LRRC7: variants seen among roughly 807,000 people sequenced by gnomAD.
LRRC7 encodes leucine-rich repeat-containing protein 7.
Under a neutral mutation model 175.7 loss-of-function variants are expected in LRRC7, and 23 were observed. That is an observed-to-expected ratio of 0.13 (90% CI 0.09 to 0.19). The LOEUF is 0.19. LRRC7 is among the 10% of genes least tolerant of loss of function. The pLI is 1.00. For synonymous variants in LRRC7, 685 were observed against 680.9 expected, an observed-to-expected ratio of 1.01 and a Z score of -0.09; for missense variants, 1,354 against 1,904.7, an observed-to-expected ratio of 0.71 and a Z score of 5.38.
intron 4 of LRRC7, among the ~76,000 whole-genome samples, chr1:69,807,866 C>G (rs185157273): frequency 6.6e-6 from 1 of 152,156 alleles, no homozygotes; most frequent in Non-Finnish European, 1.5e-5. Flanking sequence ...TGGGGAAGTT[C>G]TCCCGGATAA....
intron 1 of LRRC7, among the ~76,000 whole-genome samples, chr1:69,623,106 A>C (rs1650903488): frequency 6.6e-6 from 1 of 152,184 alleles, no homozygotes; most frequent in African/African-American, 2.4e-5. Flanking sequence ...CCCGTATCCT[A>C]AGTTCTGATC....
rs564340545 is a variant in LRRC7, at chr1:69,659,357, AT to A, written c.3-19023del. Among the ~76,000 whole-genome samples the A allele has an allele frequency of 1.1e-3, 165 of 152,104 alleles. 1 individual carries two copies. The highest frequency in any genetic ancestry group is 3.8e-3 in the African/African-American group (156 of 41,516). ...ACAGAGTTATAAAAGGAAAAAAAAA[AT>A]ATTCAAAGATAAAATAGATGACAGC... On this transcript the variant is annotated intron_variant, in intron 1 of 26. Coordinates refer to ENST00000651989, the MANE Select transcript of LRRC7 (RefSeq NM_001370785.2).
intron 7 of LRRC7, among the ~76,000 whole-genome samples, chr1:69,912,700 G>A (rs1414379291): frequency 6.6e-6 from 1 of 152,168 alleles, no homozygotes; most frequent in East Asian, 1.9e-4. Context: ...GAAAATTCAT[G>A]TACAGCATGA....
chr1:70,061,710 G>A (rs1017788257), intron 23 of LRRC7, among the ~76,000 whole-genome samples: 1 of 152,124 alleles, frequency 6.6e-6, no homozygotes, highest in African/African-American at 2.4e-5. Context: ...AAAGTAGGAA[G>A]ATATCAAATG....
Position 69,980,459 on chromosome 1 carries a change from T to C in LRRC7, c.786+6T>C, listed in dbSNP as rs759914566. 16 of 1,580,568 alleles carry C rather than the reference T, an allele frequency of 1.0e-5. No homozygotes were observed. Among genetic ancestry groups the C allele is most frequent in the Non-Finnish European group, 1.4e-5 (16 of 1,153,492 alleles). On this transcript the variant is annotated splice_donor_region_variant and intron_variant, in intron 9 of 26. Coordinates refer to ENST00000651989, the MANE Select transcript of LRRC7 (RefSeq NM_001370785.2). ...CATTACAAGTGTTACCTGGGGTATG[T>C]AAGTTTTTATTCTACCATGTTGTTT...
intron 7 of LRRC7, among the ~76,000 whole-genome samples, chr1:69,914,198 A>G (rs1007063536): frequency 1.3e-5 from 2 of 152,202 alleles, no homozygotes; most frequent in Admixed American, 1.3e-4. Context: ...AATTTGCAGA[A>G]TCCTGAGTCA....
chr1:70,119,940 C>G (rs1378465480), intron 26 of LRRC7, among the ~76,000 whole-genome samples: 1 of 151,908 alleles, frequency 6.6e-6, no homozygotes, highest in Non-Finnish European at 1.5e-5. Context: ...AACTTTTGGT[C>G]AAATTGAAGG....
chr1:69,925,747 C>A (rs1025346794), intron 7 of LRRC7, among the ~76,000 whole-genome samples: 1 of 151,994 alleles, frequency 6.6e-6, no homozygotes, highest in Non-Finnish European at 1.5e-5. Flanking sequence ...TTGCAAAAAA[C>A]CAGCTCCTGG....
At chr1:69,907,978 G>A (rs1457345606) in intron 7 of LRRC7, among the ~76,000 whole-genome samples, 1 of 152,124 alleles carries the variant, frequency 6.6e-6, no homozygotes, top group Non-Finnish European at 1.5e-5. Flanking sequence ...CTTCTTCCTG[G>A]TTTAGTCTTG....
intron 7 of LRRC7, among the ~76,000 whole-genome samples, chr1:69,864,354 T>A (rs1684684864): frequency 6.6e-6 from 1 of 152,104 alleles, no homozygotes; most frequent in South Asian, 2.1e-4. Context: ...GTTGGATGAA[T>A]AGATGGATGG....
chr1:69,582,774 C>G (rs1342862663), intron 1 of LRRC7, among the ~76,000 whole-genome samples: 1 of 152,174 alleles, frequency 6.6e-6, no homozygotes, highest in Non-Finnish European at 1.5e-5. Flanking sequence ...TGGATATCCA[C>G]CAACTGTTGA....
At chr1:69,951,272 A>G (rs1187257104) in intron 8 of LRRC7, among the ~76,000 whole-genome samples, 5 of 152,064 alleles carry the variant, frequency 3.3e-5, no homozygotes, top group Admixed American at 3.3e-4. Flanking sequence ...GCTGTTACTA[A>G]AAAGTCAAAA....
intron 2 of LRRC7, among the ~76,000 whole-genome samples, chr1:69,709,195 CATAGT>C (rs1200368967): frequency 6.6e-6 from 1 of 152,190 alleles, no homozygotes; most frequent in East Asian, 1.9e-4. Context: ...TCCAAAATAA[CATAGT>C]AAAGTTTATT....
chr1:69,855,706 G>T (rs565734665), intron 7 of LRRC7, among the ~76,000 whole-genome samples: 1 of 152,174 alleles, frequency 6.6e-6, no homozygotes, highest in South Asian at 2.1e-4. Flanking sequence ...TCGTTGATCT[G>T]TCTAATGTTG....
intron 7 of LRRC7, among the ~76,000 whole-genome samples, chr1:69,891,923 C>A (rs537188757): frequency 6.6e-6 from 1 of 151,916 alleles, no homozygotes; most frequent in South Asian, 2.1e-4. Flanking sequence ...ACCTGTGAAG[C>A]ACAATAAAGT....
At chr1:69,792,196 T>C (rs773467242) in intron 4 of LRRC7, 36 bp downstream of exon 4, 21 of 1,175,886 alleles carry the variant, frequency 1.8e-5, no homozygotes, top group Non-Finnish European at 2.5e-5. Context: ...TACCTAGAAT[T>C]TTTTAACTGA....
At chr1:69,788,215 C>T (rs904765241) in intron 3 of LRRC7, among the ~76,000 whole-genome samples, 21 of 152,196 alleles carry the variant, frequency 1.4e-4, no homozygotes, top group African/African-American at 4.8e-4. Flanking sequence ...CAAGGACCAA[C>T]AGACTCCACC....
At chr1:69,998,210 T>A (rs888632702) in intron 11 of LRRC7, among the ~76,000 whole-genome samples, 4 of 152,180 alleles carry the variant, frequency 2.6e-5, no homozygotes, top group Non-Finnish European at 5.9e-5. Context: ...TTGACGTAGC[T>A]AAGAAGCCTT....
At chr1:69,936,692 G>A (rs1648070091) in intron 8 of LRRC7, among the ~76,000 whole-genome samples, 1 of 152,030 alleles carries the variant, frequency 6.6e-6, no homozygotes, top group Admixed American at 6.6e-5. Context: ...TACCTGACAG[G>A]TAGTTTTTCA....
Sources: allele counts gnomAD v4.1 joint callset (sites outside exome capture counted in the v4.1 genomes callset), GRCh38; gene constraint gnomAD v4.1.1; transcripts MANE v1.5; gene names NCBI Gene and HGNC (gene_info 2026-07-23, HGNC 2026-07-21).